Variants in SPTLC3 observed in about 807,000 individuals in gnomAD.
The protein encoded by SPTLC3 is serine palmitoyltransferase 3.
SPTLC3 carries 36 observed loss-of-function variants against 59.3 expected under a neutral mutation model. That is an observed-to-expected ratio of 0.61 (90% CI 0.47 to 0.80). The LOEUF is 0.80. Among genes scored for constraint, SPTLC3 ranks in the 30% least tolerant of loss-of-function variants. The probability of loss-of-function intolerance (pLI) is 0.00; values close to 1 mark genes in which losing one functional copy is unlikely to be tolerated. For synonymous variants in SPTLC3, 257 were observed against 240.8 expected (o/e 1.07, Z -0.62); for missense variants, 625 against 685.1 (o/e 0.91, Z 0.98).
chr20:13,142,263 A>G (rs1375382977), intron 9 of SPTLC3, among the ~76,000 whole-genome samples: 1 of 152,198 alleles, frequency 6.6e-6, no homozygotes, highest in Admixed American at 6.5e-5. Flanking sequence ...CAGCCGTCCC[A>G]CAAACAAGAT....
chr20:13,164,061 C>G (rs528992169), intron 11 of SPTLC3, among the ~76,000 whole-genome samples: 4 of 152,112 alleles, frequency 2.6e-5, no homozygotes, highest in African/African-American at 7.2e-5. Flanking sequence ...CCACTCCCCC[C>G]ATCCCACAAC....
intron 2 of SPTLC3, among the ~76,000 whole-genome samples, chr20:13,060,420 G>A (rs1987920787): frequency 7.2e-6 from 1 of 138,808 alleles, no homozygotes; most frequent in African/African-American, 2.6e-5. Context: ...TTATTTATCT[G>A]GGGGATTGTC....
chr20:13,017,944 G>T (rs1184852251), intron 1 of SPTLC3, among the ~76,000 whole-genome samples: 1 of 152,148 alleles, frequency 6.6e-6, no homozygotes, highest in South Asian at 2.1e-4. Context: ...TTGGAATCCA[G>T]CCACCATGCT....
intron 2 of SPTLC3, among the ~76,000 whole-genome samples, chr20:13,063,397 G>A (rs372137167): frequency 2.3e-4 from 35 of 151,904 alleles, no homozygotes; most frequent in South Asian, 8.3e-4. Flanking sequence ...ATATTTAGCC[G>A]CACATAAATG....
At chr20:13,032,452 A>G (rs186278787) in intron 1 of SPTLC3, among the ~76,000 whole-genome samples, 53 of 152,288 alleles carry the variant, frequency 3.5e-4, no homozygotes, top group East Asian at 2.3e-3. Context: ...TTACCCTGCT[A>G]TCAAAGGCGT....
At chr20:13,077,046 A>G (rs139984322) in intron 4 of SPTLC3, among the ~76,000 whole-genome samples, 8 of 152,334 alleles carry the variant, frequency 5.3e-5, no homozygotes, top group Admixed American at 2.0e-4. Flanking sequence ...ACTAGAAAAT[A>G]GTGGAATACA....
chr20:13,107,477 C>T (rs371997944), intron 6 of SPTLC3, among the ~76,000 whole-genome samples: 4 of 152,048 alleles, frequency 2.6e-5, no homozygotes, highest in Non-Finnish European at 5.9e-5. Flanking sequence ...ATGCTGCCCA[C>T]GGTCAAGTAG....
chr20:13,068,434 A>C (rs2122559080), intron 2 of SPTLC3, among the ~76,000 whole-genome samples: 1 of 152,296 alleles, frequency 6.6e-6, no homozygotes, highest in South Asian at 2.1e-4. Context: ...TTTCTGGTTT[A>C]GTTAAAATGC....
At chr20:13,076,604 C>T (rs1318379132) in intron 4 of SPTLC3, among the ~76,000 whole-genome samples, 1 of 147,942 alleles carries the variant, frequency 6.8e-6, no homozygotes, top group Non-Finnish European at 1.5e-5. Flanking sequence ...ACTTAGATGA[C>T]AGATATTATT....
intron 2 of SPTLC3, among the ~76,000 whole-genome samples, chr20:13,052,955 T>C (rs1432217439): frequency 6.6e-6 from 1 of 152,178 alleles, no homozygotes; most frequent in African/African-American, 2.4e-5. Context: ...AAGGGGCAGC[T>C]GCAGGTGCAG....
intron 6 of SPTLC3, among the ~76,000 whole-genome samples, chr20:13,095,013 G>A (rs910143226): frequency 2.6e-5 from 4 of 152,182 alleles, no homozygotes. Flanking sequence ...AAATATCATG[G>A]ATTGTCACAT....
At chr20:13,096,435 C>A (rs1989415128) in intron 6 of SPTLC3, among the ~76,000 whole-genome samples, 1 of 146,908 alleles carries the variant, frequency 6.8e-6, no homozygotes, top group African/African-American at 2.5e-5. Flanking sequence ...TAGAACACTA[C>A]TCCACAATTA....
rs538639717 is a variant in SPTLC3 at position 13,133,534 on chromosome 20, G to C, written c.1279+6817G>C. On this transcript the variant is annotated intron_variant, in intron 9 of 11. Coordinates refer to ENST00000399002, the MANE Select transcript of SPTLC3 (RefSeq NM_018327.4). Reference sequence around the variant, plus strand: ...GGATCACTTGAGGTCAGGAGTTCGAGACCAACCTGGCCAACAAGGCAAAAC... The same window carrying C: ...GGATCACTTGAGGTCAGGAGTTCGACACCAACCTGGCCAACAAGGCAAAAC... 1.2e-4 allele frequency among the ~76,000 whole-genome samples: 18 copies of C among 152,270 alleles called. No homozygotes were observed. The South Asian group carries it at 3.3e-3, about 28-fold the overall frequency.
intron 1 of SPTLC3, among the ~76,000 whole-genome samples, chr20:13,009,707 A>T (rs765068874): frequency 1.3e-5 from 2 of 152,206 alleles, no homozygotes; most frequent in Non-Finnish European, 2.9e-5. Flanking sequence ...AACTCTTTGC[A>T]TATATTTTTG....
intron 1 of SPTLC3, among the ~76,000 whole-genome samples, chr20:13,044,391 AG>A (rs1987138070): frequency 6.6e-6 from 1 of 152,046 alleles, no homozygotes; most frequent in Non-Finnish European, 1.5e-5. Context: ...CATGAGCCAC[AG>A]CGCCCAGCTG....
intron 9 of SPTLC3, among the ~76,000 whole-genome samples, chr20:13,134,524 G>T (rs981254088): frequency 2.0e-5 from 3 of 152,124 alleles, no homozygotes; most frequent in African/African-American, 7.2e-5. Context: ...ATACAGCAGT[G>T]GTTCTCAAAG....
chr20:13,160,205 A>T, intron 11 of SPTLC3, 73 bp downstream of exon 11: 10 of 1,490,428 alleles, frequency 6.7e-6, no homozygotes, highest in Non-Finnish European at 9.0e-6. Context: ...TTGTTGAGAC[A>T]GCTTGGGGTT....
chr20:13,050,387 A>C (rs572545179), intron 2 of SPTLC3: 4 of 152,172 alleles, frequency 2.6e-5, no homozygotes, highest in Non-Finnish European at 5.9e-5. Context: ...AAAGACAAAG[A>C]AAAAATAATA....
intron 2 of SPTLC3, among the ~76,000 whole-genome samples, chr20:13,071,140 G>A (rs776482781): frequency 1.3e-5 from 2 of 152,124 alleles, no homozygotes; most frequent in East Asian, 1.9e-4. Flanking sequence ...AAGAATACTC[G>A]CAGGAGAATC....
Sources: gnomAD v4.1 joint callset for allele counts (sites outside exome capture counted in the v4.1 genomes callset) on GRCh38, gnomAD v4.1.1 for gene constraint, MANE v1.5 for transcripts, NCBI Gene and HGNC (gene_info 2026-07-23, HGNC 2026-07-21) for gene names.